The following CCDC12 variants were observed in gnomAD, a reference collection of about 807,000 sequenced individuals.
CCDC12 encodes the protein coiled-coil domain-containing protein 12.
In CCDC12, 28 loss-of-function variants were observed where a neutral mutation model predicts 25.7. The ratio of observed to expected loss-of-function variants is 1.09; its 90% CI spans 0.81 to 1.50. The LOEUF is 1.50. Among genes scored for constraint, CCDC12 ranks in the 40% most tolerant of loss-of-function variants. The pLI is 0.00. For missense variants in CCDC12, 198 were observed against 210.0 expected (o/e 0.94, Z 0.35); for synonymous variants, 75 against 87.7 (o/e 0.86, Z 0.81).
intron 2 of CCDC12, among the ~76,000 whole-genome samples, chr3:46,939,464 C>T (rs1426697361): frequency 1.3e-5 from 2 of 152,072 alleles, no homozygotes; most frequent in African/African-American, 4.8e-5. Flanking sequence ...AAGAATAAAC[C>T]AGAAGACCAA....
rs751864513 is a variant in CCDC12, at chr3:46,925,464, G to A, written c.236C>T (p.Pro79Leu). The A allele has an allele frequency of 2.5e-6, 4 of 1,613,270 alleles. No homozygotes were observed. Among genetic ancestry groups the A allele is most frequent in the East Asian group, 2.2e-5 (1 of 44,840 alleles). ...LKKRRVPQAK[P>L]VAVEEKVKEQ... ...AGGGACAGCTTGCTTACCTGCAACC[G>A]GTTTGGCCTGGGGCACCCTCCTCTT... Residue 79 changes from proline (P) to leucine (L), a missense_variant, in exon 3 of 7, where the codon CCG becomes CTG. Transcript: ENST00000683445.
At chr3:46,951,827 A>ATATATATATAT (rs1328099662) in intron 1 of CCDC12, among the ~76,000 whole-genome samples, 5 of 105,754 alleles carry the variant, frequency 4.7e-5, no homozygotes, top group Non-Finnish European at 9.4e-5. Context: ...ATATATACTT[A>ATATATATATAT]ATGAGGATCA....
intron 1 of CCDC12, among the ~76,000 whole-genome samples, chr3:46,950,494 T>G (rs375081274): frequency 0.044 from 718 of 16,468 alleles, 5 homozygotes; most frequent in African/African-American, 0.05. Flanking sequence ...TTTTTTTTTT[T>G]TTGGGGTAGA....
intron 1 of CCDC12, among the ~76,000 whole-genome samples, chr3:46,958,454 C>T (rs2034366424): frequency 6.6e-6 from 1 of 152,160 alleles, no homozygotes; most frequent in South Asian, 2.1e-4. Flanking sequence ...TTGAATTGGT[C>T]TGGTGATAAT....
chr3:46,977,104 T>C (rs1206427166), upstream of CCDC12: 1 of 263,952 alleles, frequency 3.8e-6, no homozygotes, highest in Non-Finnish European at 7.4e-6. Flanking sequence ...ACCACACTAA[T>C]CACTCCATGC....
chr3:46,962,106 C>G (rs2034480751), intron 1 of CCDC12, among the ~76,000 whole-genome samples: 1 of 152,084 alleles, frequency 6.6e-6, no homozygotes, highest in Non-Finnish European at 1.5e-5. Flanking sequence ...AAATGATAAA[C>G]TACATTAAAA....
At chr3:46,935,440 C>T (rs769042811) in intron 2 of CCDC12, among the ~76,000 whole-genome samples, 1 of 152,122 alleles carries the variant, frequency 6.6e-6, no homozygotes, top group Non-Finnish European at 1.5e-5. Flanking sequence ...CAAACGCTGC[C>T]CTAGACATGC....
At chr3:46,948,484 G>C (rs1361145788) in intron 1 of CCDC12, among the ~76,000 whole-genome samples, 2 of 152,228 alleles carry the variant, frequency 1.3e-5, no homozygotes. Flanking sequence ...CTGAGGTTCT[G>C]CTGGTGACTC....
At chr3:46,976,770 A>G (rs773049792), upstream of CCDC12, 5 of 1,574,698 alleles carry the variant, frequency 3.2e-6, no homozygotes, top group South Asian at 4.6e-5. Flanking sequence ...CCCGTCTTGC[A>G]TCGCGCAGGC....
At chr3:46,925,130 C>T (rs1372176935) in intron 3 of CCDC12, 5 of 484,530 alleles carry the variant, frequency 1.0e-5, no homozygotes, top group Admixed American at 9.6e-5. Flanking sequence ...TGCCCAAGGG[C>T]CCCATGACCA....
intron 1 of CCDC12, among the ~76,000 whole-genome samples, chr3:46,969,463 G>A (rs2034736309): frequency 6.6e-6 from 1 of 152,134 alleles, no homozygotes; most frequent in Non-Finnish European, 1.5e-5. Flanking sequence ...GAACTCCTGA[G>A]CTCAAGCGAT....
At chr3:46,967,576 A>G (rs1219778566) in intron 1 of CCDC12, among the ~76,000 whole-genome samples, 1 of 152,174 alleles carries the variant, frequency 6.6e-6, no homozygotes, top group African/African-American at 2.4e-5. Context: ...GCAGCTGCAC[A>G]GCCTCTCCCC....
chr3:46,974,763 G>A (rs1454525463), intron 1 of CCDC12, among the ~76,000 whole-genome samples: 1 of 152,160 alleles, frequency 6.6e-6, no homozygotes, highest in Non-Finnish European at 1.5e-5. Flanking sequence ...GACAGGTCTA[G>A]CTATTTAACA....
At position 46,976,701 on chromosome 3, in the gene CCDC12, A is replaced by G; in HGVS notation, c.32T>C (p.Leu11Pro). MEATTAGVGR[L>P]EEEALRRKER... ...CTTTCGCCGCAACGCCTCTTCCTCT[A>G]GCCGGCCCACACCAGCCGTAGTTGC... Residue 11 changes from leucine to proline, a missense_variant, in exon 1 of 7, where the codon CTA (leucine) becomes CCA (proline). Leu to Pro is a moderately conservative substitution (Grantham distance 98). Coordinates refer to ENST00000683445, the MANE Select transcript of CCDC12 (RefSeq NM_001277074.2). The G allele has an allele frequency of 6.2e-7, 1 of 1,604,400 alleles. No homozygotes were observed.
chr3:46,921,978 C>T lies in CCDC12; in HGVS notation c.*79G>A. The T allele has an allele frequency of 6.7e-7, 1 of 1,496,310 alleles. No homozygotes were observed. Among genetic ancestry groups the T allele is most frequent in the South Asian group, 1.2e-5 (1 of 84,816 alleles). The allele number at this position is 1,496,310 out of a possible 1,614,324, so 92.7% of individuals were successfully genotyped here. ...TCAGAAGCCAAACTGGAGGTGATGG[C>T]AAGCCTAGCCCCCATCCCTGCCCAA... On this transcript the variant is annotated 3_prime_UTR_variant, in exon 7 of 7. Coordinates refer to ENST00000683445, the MANE Select transcript of CCDC12 (RefSeq NM_001277074.2).
At chr3:46,979,753 GC>G, upstream of CCDC12, 1 of 332,440 alleles carries the variant, frequency 3.0e-6, no homozygotes. Context: ...GCGCCGCTCC[GC>G]CCCGGAGTGA....
chr3:46,949,239 T>C (rs1042680084), intron 1 of CCDC12, among the ~76,000 whole-genome samples: 1 of 152,090 alleles, frequency 6.6e-6, no homozygotes, highest in Non-Finnish European at 1.5e-5. Flanking sequence ...CCAAAGGAAG[T>C]GTCACCTTAA....
intron 1 of CCDC12, among the ~76,000 whole-genome samples, chr3:46,946,365 A>G (rs2033907086): frequency 6.6e-6 from 1 of 152,264 alleles, no homozygotes; most frequent in South Asian, 2.1e-4. Flanking sequence ...TTAGGGAATT[A>G]GCAAGGGATA....
intron 1 of CCDC12, 132 bp from the exon 2 acceptor site, chr3:46,941,197 T>C: frequency 2.5e-6 from 2 of 784,782 alleles, no homozygotes; most frequent in Non-Finnish European, 4.5e-6. Context: ...TGTCCCAGAC[T>C]CCAACAGGGT....
Sources: allele counts gnomAD v4.1 joint callset (sites outside exome capture counted in the v4.1 genomes callset), GRCh38; gene constraint gnomAD v4.1.1; transcripts MANE v1.5; gene names NCBI Gene and HGNC (gene_info 2026-07-23, HGNC 2026-07-21).